Variants in RAB3IP observed in about 807,000 individuals in gnomAD.
RAB3IP encodes the protein rab-3A-interacting protein.
In RAB3IP, 36 loss-of-function variants were observed where a neutral mutation model predicts 59.1. That is an observed-to-expected ratio of 0.61 (90% CI 0.47 to 0.80). RAB3IP has a LOEUF of 0.80. RAB3IP is among the 30% of genes least tolerant of loss of function. The pLI, the probability that RAB3IP is intolerant of heterozygous loss-of-function variation, is 0.00. For synonymous variants in RAB3IP, 207 were observed against 191.2 expected (o/e 1.08, Z -0.68); for missense variants, 511 against 536.0 (o/e 0.95, Z 0.46).
rs12581788 is a variant in RAB3IP, at chr12:69,765,644, G to A, written c.510+8981G>A. 9.2e-5 allele frequency among the ~76,000 whole-genome samples: 14 copies of A among 152,260 alleles called. No homozygotes were observed. In the East Asian group the frequency reaches 1.2e-3, roughly 13 times the overall value. ...CCTGAGCATGGAGCAGAGAGGACCC[G>A]CCTATATCAAAGCCTCTGCACAGGA... On this transcript the variant is annotated intron_variant, in intron 3 of 10. Coordinates refer to ENST00000247833, the MANE Select transcript of RAB3IP (RefSeq NM_022456.5).
At chr12:69,763,696 A>T (rs1181640944) in intron 3 of RAB3IP, among the ~76,000 whole-genome samples, 1 of 152,044 alleles carries the variant, frequency 6.6e-6, no homozygotes, top group African/African-American at 2.4e-5. Context: ...GGTTTAGGTT[A>T]TGAATAATCC....
chr12:69,805,570 G>A (rs938834909), intron 8 of RAB3IP, among the ~76,000 whole-genome samples: 5 of 151,272 alleles, frequency 3.3e-5, no homozygotes, highest in African/African-American at 9.7e-5. Flanking sequence ...TCCCTGTCTT[G>A]TGCCAGTTTT....
intron 4 of RAB3IP, among the ~76,000 whole-genome samples, chr12:69,788,375 A>C (rs1876055339): frequency 6.6e-6 from 1 of 152,140 alleles, no homozygotes; most frequent in Non-Finnish European, 1.5e-5. Context: ...TACTATACTG[A>C]ATACTGTTGG....
At chr12:69,781,067 A>G (rs541391404) in intron 3 of RAB3IP, among the ~76,000 whole-genome samples, 4 of 152,138 alleles carry the variant, frequency 2.6e-5, no homozygotes, top group Non-Finnish European at 5.9e-5. Context: ...TCTTTTTCCA[A>G]GTAATACTTA....
At position 69,798,486 on chromosome 12, in the gene RAB3IP, C is replaced by T. The variant is rs111540801; in HGVS notation, c.889-1723C>T. 1.4e-3 allele frequency among the ~76,000 whole-genome samples: 205 copies of T among 151,570 alleles called. 1 individual carries two copies. Among genetic ancestry groups the T allele is most frequent in the African/African-American group, 4.7e-3 (194 of 41,428 alleles). Reference sequence around the variant, plus strand: ...CCATTTTGTAGGTTGCCTGTTCACTCTGATGGTAGTTTCTTTTGCTGTGCA... The same window carrying T: ...CCATTTTGTAGGTTGCCTGTTCACTTTGATGGTAGTTTCTTTTGCTGTGCA... On this transcript the variant is annotated intron_variant, in intron 6 of 10. Coordinates refer to ENST00000247833, the MANE Select transcript of RAB3IP (RefSeq NM_022456.5).
At chr12:69,788,918 GAAACTA>G (rs1876165624) in intron 4 of RAB3IP, among the ~76,000 whole-genome samples, 1 of 151,978 alleles carries the variant, frequency 6.6e-6, no homozygotes, top group South Asian at 2.1e-4. Context: ...CAAATGTGTG[GAAACTA>G]AACAATGATA....
At chr12:69,740,883 TTCC>T (rs1239235870) in intron 1 of RAB3IP, among the ~76,000 whole-genome samples, 3 of 152,364 alleles carry the variant, frequency 2.0e-5, no homozygotes, top group East Asian at 3.9e-4. Flanking sequence ...CTATACTTTT[TTCC>T]TCCTCAACAG....
intron 3 of RAB3IP, among the ~76,000 whole-genome samples, chr12:69,782,191 G>A (rs1874841226): frequency 6.6e-6 from 1 of 152,162 alleles, no homozygotes; most frequent in Admixed American, 6.6e-5. Flanking sequence ...TTGAGATCGA[G>A]TCTCGCTCTA....
chr12:69,752,329 A>G (rs923310596), intron 1 of RAB3IP, among the ~76,000 whole-genome samples: 15 of 150,644 alleles, frequency 1.0e-4, no homozygotes, highest in South Asian at 2.1e-4. Context: ...AATTATATAT[A>G]TATATTTATT....
intron 1 of RAB3IP, among the ~76,000 whole-genome samples, chr12:69,744,334 ATAT>A (rs1308170153): frequency 2.3e-4 from 35 of 152,276 alleles, no homozygotes; most frequent in African/African-American, 7.5e-4. Flanking sequence ...ATTAAATATA[ATAT>A]TAGCTCATAA....
At chr12:69,769,409 G>T (rs1565890521) in intron 3 of RAB3IP, among the ~76,000 whole-genome samples, 1 of 152,206 alleles carries the variant, frequency 6.6e-6, no homozygotes, top group African/African-American at 2.4e-5. Flanking sequence ...GGGAACCCCA[G>T]TGGACAGGTG....
intron 8 of RAB3IP, among the ~76,000 whole-genome samples, chr12:69,806,309 G>A (rs1179409854): frequency 1.2e-4 from 19 of 152,206 alleles, no homozygotes; most frequent in Admixed American, 7.9e-4. Flanking sequence ...ATTCTCTGAT[G>A]GTAGTTTGTA....
At chr12:69,765,625 C>CT (rs572807983) in intron 3 of RAB3IP, among the ~76,000 whole-genome samples, 92 of 152,246 alleles carry the variant, frequency 6.0e-4, no homozygotes, top group African/African-American at 2.0e-3. Context: ...TCTGCCTGAG[C>CT]ATGGAGCAGA....
intron 3 of RAB3IP, among the ~76,000 whole-genome samples, chr12:69,760,226 G>A (rs532719092): frequency 2.4e-4 from 37 of 152,376 alleles, no homozygotes; most frequent in African/African-American, 2.9e-4. Flanking sequence ...AAAAAAATAC[G>A]AAAACCAGTC....
At position 69,822,752 on chromosome 12, in the gene RAB3IP, ATGTT is replaced by A. The variant is rs1232875992; in HGVS notation, c.*7310_*7313del. ...CCCTGATTTGATCATTATACGTTGT[ATGTT>A]TGTATCAAAATATCATATGTACCCC... On this transcript the variant is annotated 3_prime_UTR_variant, in exon 11 of 11. Coordinates refer to ENST00000247833, the MANE Select transcript of RAB3IP (RefSeq NM_022456.5). 2.6e-5 allele frequency: 4 copies of A among 152,288 alleles called. No individual in the cohort carries two copies. The South Asian group carries it at 6.2e-4, about 24-fold the overall frequency. 9.4% of individuals were successfully genotyped at this position (152,288 alleles called of 1,614,324 possible).
At position 69,823,113 on chromosome 12, in the gene RAB3IP, T is replaced by C. The variant is rs1881938775; in HGVS notation, c.*7667T>C. ...ACCCTGATCTGATCACTACACATTA[T>C]ATGTATGGAAATATCATTGTGTACC... On this transcript the variant is annotated 3_prime_UTR_variant, in exon 11 of 11. Coordinates refer to ENST00000247833, the MANE Select transcript of RAB3IP (RefSeq NM_022456.5). 1 of 152,182 alleles carries C rather than the reference T, an allele frequency of 6.6e-6. No homozygotes were observed. Among genetic ancestry groups the C allele is most frequent in the Admixed American group, 6.5e-5 (1 of 15,272 alleles). The allele number at this position is 152,182 out of a possible 1,614,324, so 9.4% of individuals were successfully genotyped here.
chr12:69,803,672 G>T (rs188003674), intron 8 of RAB3IP, among the ~76,000 whole-genome samples: 4 of 151,412 alleles, frequency 2.6e-5, no homozygotes, highest in African/African-American at 9.7e-5. Context: ...AACAGTCCCC[G>T]GTGTGTGATG....
intron 3 of RAB3IP, among the ~76,000 whole-genome samples, chr12:69,772,584 T>C (rs1306222110): frequency 6.6e-6 from 1 of 152,174 alleles, no homozygotes; most frequent in African/African-American, 2.4e-5. Flanking sequence ...GGATTTTGCT[T>C]TGTGGTTACC....
At chr12:69,773,345 T>C (rs887189613) in intron 3 of RAB3IP, among the ~76,000 whole-genome samples, 5 of 151,326 alleles carry the variant, frequency 3.3e-5, no homozygotes, top group African/African-American at 1.2e-4. Context: ...TCTTCAGGTT[T>C]TGAAAATGTT....
Sources: gnomAD v4.1 joint callset for allele counts (sites outside exome capture counted in the v4.1 genomes callset) on GRCh38, gnomAD v4.1.1 for gene constraint, MANE v1.5 for transcripts, NCBI Gene and HGNC (gene_info 2026-07-23, HGNC 2026-07-21) for gene names.